The following NALF1 variants were observed in gnomAD, a reference collection of about 807,000 sequenced individuals.
NALF1 encodes NALCN channel auxiliary factor 1, also known as family with sequence similarity 155 member A.
Under a neutral mutation model 48.4 loss-of-function variants are expected in NALF1, and 3 were observed. The ratio of observed to expected loss-of-function variants is 0.06; its 90% CI spans 0.03 to 0.16. The LOEUF is 0.16. NALF1 is among the 10% of genes least tolerant of loss of function. NALF1 has a pLI of 1.00. For synonymous variants in NALF1, 262 were observed against 245.7 expected, an observed-to-expected ratio of 1.07 and a Z score of -0.62; for missense variants, 526 against 571.5, an observed-to-expected ratio of 0.92 and a Z score of 0.81.
At chr13:107,795,332 G>C (rs902353672) in intron 1 of NALF1, among the ~76,000 whole-genome samples, 3 of 152,048 alleles carry the variant, frequency 2.0e-5, no homozygotes, top group Non-Finnish European at 4.4e-5. Flanking sequence ...ATCTGGGGAA[G>C]GGAAAAATTT....
intron 1 of NALF1, among the ~76,000 whole-genome samples, chr13:107,627,041 A>G (rs1197643572): frequency 6.6e-6 from 1 of 152,122 alleles, no homozygotes; most frequent in Non-Finnish European, 1.5e-5. Context: ...CAATTCTCCA[A>G]GTTGAGTCAA....
At chr13:107,364,197 T>C (rs1472281065) in intron 1 of NALF1, among the ~76,000 whole-genome samples, 2 of 152,244 alleles carry the variant, frequency 1.3e-5, no homozygotes, top group African/African-American at 2.4e-5. Flanking sequence ...GAATAGCATG[T>C]CCATTCAGGC....
chr13:107,389,798 T>G (rs1262546357), intron 1 of NALF1, among the ~76,000 whole-genome samples: 2 of 152,190 alleles, frequency 1.3e-5, no homozygotes, highest in Non-Finnish European at 2.9e-5. Flanking sequence ...CACTGTTCAA[T>G]TAACACTTAT....
intron 1 of NALF1, among the ~76,000 whole-genome samples, chr13:107,628,307 G>A (rs1879736606): frequency 6.6e-6 from 1 of 152,116 alleles, no homozygotes; most frequent in African/African-American, 2.4e-5. Context: ...TCCGTACAAT[G>A]CATTTTAGCT....
At chr13:107,248,973 T>G (rs528092412) in intron 1 of NALF1, among the ~76,000 whole-genome samples, 3 of 151,462 alleles carry the variant, frequency 2.0e-5, no homozygotes, top group South Asian at 4.2e-4. Context: ...TATATATATG[T>G]ATATACACAA....
chr13:107,519,639 T>G (rs542064369), intron 1 of NALF1, among the ~76,000 whole-genome samples: 1 of 152,264 alleles, frequency 6.6e-6, no homozygotes, highest in South Asian at 2.1e-4. Context: ...CCCCATTAAC[T>G]CTTTATCAGC....
intron 1 of NALF1, among the ~76,000 whole-genome samples, chr13:107,861,955 G>A (rs551865818): frequency 2.0e-5 from 3 of 152,254 alleles, no homozygotes; most frequent in Admixed American, 6.5e-5. Context: ...ATACTTGCAA[G>A]GTATCCTTTT....
chr13:107,339,725 G>A (rs1388410466), intron 1 of NALF1, among the ~76,000 whole-genome samples: 2 of 152,100 alleles, frequency 1.3e-5, no homozygotes, highest in African/African-American at 4.8e-5. Context: ...TTACTTCCCA[G>A]TAATGACAGG....
chr13:107,305,989 A>C (rs939261477), intron 1 of NALF1, among the ~76,000 whole-genome samples: 6 of 152,166 alleles, frequency 3.9e-5, no homozygotes, highest in African/African-American at 1.4e-4. Flanking sequence ...TAAGAAATCA[A>C]CTAGCGGTGA....
chr13:107,232,135 A>G (rs1411382913), intron 1 of NALF1, among the ~76,000 whole-genome samples: 1 of 152,190 alleles, frequency 6.6e-6, no homozygotes, highest in Non-Finnish European at 1.5e-5. Context: ...AATGACAGCA[A>G]TTTCCTCCTT....
chr13:107,315,873 C>G (rs763809686), intron 1 of NALF1, among the ~76,000 whole-genome samples: 68 of 149,328 alleles, frequency 4.6e-4, no homozygotes, highest in Non-Finnish European at 8.3e-4. Context: ...CCCAAAATAT[C>G]TTATTTTTTA....
At chr13:107,680,228 C>T (rs1242601446) in intron 1 of NALF1, among the ~76,000 whole-genome samples, 1 of 152,196 alleles carries the variant, frequency 6.6e-6, no homozygotes, top group Non-Finnish European at 1.5e-5. Context: ...CATTTGACTT[C>T]CACAGAGAGG....
chr13:107,603,898 C>T (rs116442605), intron 1 of NALF1, among the ~76,000 whole-genome samples: 97 of 152,154 alleles, frequency 6.4e-4, no homozygotes, highest in African/African-American at 2.2e-3. Context: ...ACTTTGTTGC[C>T]CTGGAGTAGG....
chr13:107,459,490 T>C (rs1468960040), intron 1 of NALF1, among the ~76,000 whole-genome samples: 20 of 152,114 alleles, frequency 1.3e-4, no homozygotes, highest in Admixed American at 1.2e-3. Flanking sequence ...TAAGTCTTAC[T>C]GCATAAAAAC....
At chr13:107,296,472 G>T (rs1881729430) in intron 1 of NALF1, among the ~76,000 whole-genome samples, 1 of 152,124 alleles carries the variant, frequency 6.6e-6, no homozygotes, top group African/African-American at 2.4e-5. Context: ...AAAGATGAGT[G>T]GAGTGAGGGG....
chr13:107,533,250 C>G (rs953577291), intron 1 of NALF1, among the ~76,000 whole-genome samples: 8 of 152,158 alleles, frequency 5.3e-5, no homozygotes, highest in African/African-American at 1.9e-4. Flanking sequence ...ATGCAGAGTG[C>G]TATAATTACG....
chr13:107,174,980 T>C (rs1279490847), intron 2 of NALF1, among the ~76,000 whole-genome samples: 1 of 147,578 alleles, frequency 6.8e-6, no homozygotes, highest in Non-Finnish European at 1.5e-5. Flanking sequence ...GCCTCCCGGG[T>C]TCACGCCATT....
At chr13:107,765,128 G>T (rs1004514432) in intron 1 of NALF1, among the ~76,000 whole-genome samples, 3 of 152,054 alleles carry the variant, frequency 2.0e-5, no homozygotes, top group African/African-American at 4.8e-5. Flanking sequence ...AAAATATGTT[G>T]CTAGGATTAG....
At chr13:107,492,535 C>G (rs1250562200) in intron 1 of NALF1, among the ~76,000 whole-genome samples, 1 of 152,146 alleles carries the variant, frequency 6.6e-6, no homozygotes, top group Non-Finnish European at 1.5e-5. Flanking sequence ...ATGGTCACCT[C>G]CTCAGAGAAG....
Sources: gnomAD v4.1 joint callset for allele counts (sites outside exome capture counted in the v4.1 genomes callset) on GRCh38, gnomAD v4.1.1 for gene constraint, MANE v1.5 for transcripts, NCBI Gene and HGNC (gene_info 2026-07-23, HGNC 2026-07-21) for gene names.